CDH13: variants seen among roughly 807,000 people sequenced by gnomAD.
CDH13 encodes cadherin 13, also known as cadherin-13.
A neutral mutation model predicts 63.8 loss-of-function variants in CDH13; 24 were observed. That is an observed-to-expected ratio of 0.38 (90% confidence interval 0.27 to 0.53). The LOEUF (loss-of-function observed/expected upper bound fraction) is 0.53. Among genes scored for constraint, CDH13 ranks in the 20% least tolerant of loss-of-function variants. The pLI is 0.85. For synonymous variants in CDH13, 503 were observed against 355.3 expected, an observed-to-expected ratio of 1.42 and a Z score of -4.67; for missense variants, 1,049 against 903.1, an observed-to-expected ratio of 1.16 and a Z score of -2.07.
Position 83,728,100 on chromosome 16 carries a change from A to T in CDH13, c.1539-20008A>T, listed in dbSNP as rs527760610. 3.9e-5 allele frequency among the ~76,000 whole-genome samples: 6 copies of T among 152,316 alleles called. No homozygotes were observed. The South Asian group carries it at 1.0e-3, about 26-fold the overall frequency. On this transcript the variant is annotated intron_variant, in intron 10 of 13. Coordinates refer to ENST00000567109, the MANE Select transcript of CDH13 (RefSeq NM_001257.5). ...CGGCAACACATACTCAGATGTGGAC[A>T]GCAGTGAGCACGCTGCCTGGAAAGG...
At chr16:83,444,601 C>T (rs937057095) in intron 6 of CDH13, among the ~76,000 whole-genome samples, 6 of 152,134 alleles carry the variant, frequency 3.9e-5, no homozygotes, top group Non-Finnish European at 4.4e-5. Context: ...AAGAGCCAGT[C>T]ATAGTGCCCA....
At chr16:82,683,100 A>G (rs568908583) in intron 1 of CDH13, among the ~76,000 whole-genome samples, 1 of 152,330 alleles carries the variant, frequency 6.6e-6, no homozygotes, top group East Asian at 1.9e-4. Context: ...GTAATAGCAG[A>G]AACAGTCATC....
At chr16:83,655,496 A>T (rs1367679625) in intron 8 of CDH13, among the ~76,000 whole-genome samples, 1 of 152,212 alleles carries the variant, frequency 6.6e-6, no homozygotes, top group East Asian at 1.9e-4. Flanking sequence ...AGAGTCTGTC[A>T]GAGAGAACGA....
chr16:83,106,620 CAAG>C (rs773693647), intron 3 of CDH13, among the ~76,000 whole-genome samples: 24 of 152,150 alleles, frequency 1.6e-4, no homozygotes, highest in Non-Finnish European at 1.5e-4. Flanking sequence ...GATACATCCA[CAAG>C]ATGTATTGTG....
chr16:83,163,390 C>T (rs74031422), intron 4 of CDH13, among the ~76,000 whole-genome samples: 2,461 of 152,126 alleles, frequency 0.016, 82 homozygotes, highest in African/African-American at 0.056. Context: ...AAAACCTGCA[C>T]CCCAGGTAAC....
intron 7 of CDH13, among the ~76,000 whole-genome samples, chr16:83,587,530 C>T (rs1428548626): frequency 6.6e-6 from 1 of 152,130 alleles, no homozygotes; most frequent in Non-Finnish European, 1.5e-5. Flanking sequence ...TTTAGCCTGA[C>T]CTTAAAAGCA....
chr16:82,704,946 C>G, intron 1 of CDH13: 1 of 345,472 alleles, frequency 2.9e-6, no homozygotes, highest in Non-Finnish European at 5.7e-6. Flanking sequence ...TATTGACAGA[C>G]ACCTAAGGCA....
chr16:83,678,636 C>G (rs1915158219), intron 10 of CDH13, among the ~76,000 whole-genome samples, 175 bp downstream of exon 10: 1 of 152,118 alleles, frequency 6.6e-6, no homozygotes, highest in Admixed American at 6.5e-5. Context: ...CTGCAGAGGG[C>G]CAGGCTCTTT....
chr16:83,063,395 T>A (rs2031745585), intron 3 of CDH13, among the ~76,000 whole-genome samples: 3 of 152,108 alleles, frequency 2.0e-5, no homozygotes. Flanking sequence ...CAAGATTATC[T>A]CAAAATCAAG....
At chr16:82,861,612 T>C (rs1361216448) in intron 2 of CDH13, among the ~76,000 whole-genome samples, 1 of 152,222 alleles carries the variant, frequency 6.6e-6, no homozygotes, top group Non-Finnish European at 1.5e-5. Flanking sequence ...TTTTCTACTT[T>C]AACTGTTACT....
At chr16:83,791,952 A>T (rs1183503639) in intron 13 of CDH13, among the ~76,000 whole-genome samples, 1 of 152,222 alleles carries the variant, frequency 6.6e-6, no homozygotes, top group Non-Finnish European at 1.5e-5. Context: ...TGGTAAGTGT[A>T]CAGAATTTTA....
intron 1 of CDH13, among the ~76,000 whole-genome samples, chr16:82,795,705 C>A (rs62036789): frequency 0.061 from 9,282 of 152,194 alleles, 366 homozygotes; most frequent in African/African-American, 0.095. Context: ...ACCCTATTGA[C>A]CCAGTTCCTA....
intron 8 of CDH13, among the ~76,000 whole-genome samples, chr16:83,665,241 G>A (rs1435516964): frequency 5.9e-5 from 9 of 152,114 alleles, no homozygotes; most frequent in Admixed American, 5.2e-4. Flanking sequence ...ACATTATATG[G>A]CAGACTGTGA....
chr16:83,543,641 C>G (rs1472639492), intron 7 of CDH13, among the ~76,000 whole-genome samples: 1 of 152,172 alleles, frequency 6.6e-6, no homozygotes, highest in African/African-American at 2.4e-5. Context: ...GGTGATTGTG[C>G]TCCTCAGGGG....
chr16:83,621,924 C>G (rs191536854), intron 8 of CDH13, among the ~76,000 whole-genome samples: 1 of 152,106 alleles, frequency 6.6e-6, no homozygotes, highest in Non-Finnish European at 1.5e-5. Context: ...CATTTCTTCT[C>G]ATTATAAAAG....
chr16:83,503,858 T>C (rs528391394), intron 7 of CDH13, among the ~76,000 whole-genome samples: 85 of 152,198 alleles, frequency 5.6e-4, no homozygotes, highest in African/African-American at 2.0e-3. Context: ...TTCATTCTGA[T>C]GATAGTTTCT....
rs575415011 is a variant in CDH13, at chr16:83,189,642, C to T, written c.484-27703C>T. On this transcript the variant is annotated intron_variant, in intron 4 of 13. Coordinates refer to ENST00000567109, the MANE Select transcript of CDH13 (RefSeq NM_001257.5). ...AGTTGCACTTTGTACTCTCCCTTTGCGTGGTAGCCTGATCTTCTCCTGCCA... is the reference window on the plus strand; with the variant it reads ...AGTTGCACTTTGTACTCTCCCTTTGTGTGGTAGCCTGATCTTCTCCTGCCA... 1.4e-3 allele frequency among the ~76,000 whole-genome samples: 207 copies of T among 152,264 alleles called. 1 individual carries two copies. The highest frequency in any genetic ancestry group is 4.8e-3 in the African/African-American group (200 of 41,538).
At chr16:83,426,907 CTTTTTTTTTTTTTTTTTTT>C (rs71148833) in intron 6 of CDH13, among the ~76,000 whole-genome samples, 1 of 63,182 alleles carries the variant, frequency 1.6e-5, no homozygotes, top group Admixed American at 2.2e-4. Flanking sequence ...ATGTTTCTTT[CTTTTTTTTTTTTTTTTTTT>C]TTTTTTTTTT....
chr16:83,479,615 C>A (rs561439990), intron 6 of CDH13, among the ~76,000 whole-genome samples: 3 of 152,002 alleles, frequency 2.0e-5, no homozygotes, highest in South Asian at 2.1e-4. Context: ...CAAGATTGCA[C>A]CACTGCACTC....
Sources: gnomAD v4.1 joint callset for allele counts (sites outside exome capture counted in the v4.1 genomes callset) on GRCh38, gnomAD v4.1.1 for gene constraint, MANE v1.5 for transcripts, NCBI Gene and HGNC (gene_info 2026-07-23, HGNC 2026-07-21) for gene names.